Variants in MAN2A1 observed in about 807,000 individuals in gnomAD.
MAN2A1 encodes mannosidase alpha class 2A member 1.
MAN2A1 carries 76 observed loss-of-function variants against 142.6 expected under a neutral mutation model. That is an observed-to-expected ratio of 0.53 (90% CI 0.44 to 0.65). The LOEUF (loss-of-function observed/expected upper bound fraction) is 0.65. Among genes scored for constraint, MAN2A1 ranks in the 30% least tolerant of loss-of-function variants. The pLI is 0.00. For missense variants in MAN2A1, 1,311 were observed against 1,365.1 expected, an observed-to-expected ratio of 0.96 and a Z score of 0.62; for synonymous variants, 559 against 473.2, an observed-to-expected ratio of 1.18 and a Z score of -2.35.
intron 3 of MAN2A1, among the ~76,000 whole-genome samples, chr5:109,727,948 G>GT (rs1201388242): frequency 2.0e-5 from 3 of 151,806 alleles, no homozygotes; most frequent in African/African-American, 4.8e-5. Flanking sequence ...AATAGACACA[G>GT]TTTTTTTTAG....
intron 4 of MAN2A1, among the ~76,000 whole-genome samples, chr5:109,744,762 A>G (rs143526949): frequency 2.8e-4 from 42 of 152,226 alleles, no homozygotes; most frequent in Admixed American, 7.2e-4. Flanking sequence ...ACTCCTAGCA[A>G]TTTACCCAAG....
At chr5:109,741,388 T>G (rs1009843869) in intron 4 of MAN2A1, among the ~76,000 whole-genome samples, 1 of 152,252 alleles carries the variant, frequency 6.6e-6, no homozygotes, top group Non-Finnish European at 1.5e-5. Flanking sequence ...ATGTATGTTT[T>G]TGGAGGAAAA....
At chr5:109,842,053 T>G (rs1472631314) in intron 16 of MAN2A1, among the ~76,000 whole-genome samples, 1 of 152,210 alleles carries the variant, frequency 6.6e-6, no homozygotes, top group East Asian at 1.9e-4. Context: ...ACTCAGAGAA[T>G]CATTTACATG....
chr5:109,783,586 C>T (rs1753516760), intron 9 of MAN2A1, among the ~76,000 whole-genome samples: 1 of 152,066 alleles, frequency 6.6e-6, no homozygotes, highest in Admixed American at 6.6e-5. Context: ...TAGAGAAATG[C>T]ATCATTTTAC....
chr5:109,751,017 G>A (rs774191808), intron 4 of MAN2A1, among the ~76,000 whole-genome samples: 1 of 151,980 alleles, frequency 6.6e-6, no homozygotes, highest in Non-Finnish European at 1.5e-5. Flanking sequence ...GAAACATACA[G>A]TACATTGTTG....
chr5:109,776,955 G>A (rs1753309529), intron 8 of MAN2A1, among the ~76,000 whole-genome samples: 1 of 151,994 alleles, frequency 6.6e-6, no homozygotes, highest in Non-Finnish European at 1.5e-5. Flanking sequence ...AGTATCTCTA[G>A]TATTCATTTT....
At chr5:109,773,692 G>A (rs1045979012) in intron 7 of MAN2A1, among the ~76,000 whole-genome samples, 4 of 152,056 alleles carry the variant, frequency 2.6e-5, no homozygotes, top group Non-Finnish European at 5.9e-5. Flanking sequence ...TATTTGCAAA[G>A]CAATTTCAGA....
At chr5:109,731,080 GTTA>G (rs1211165292) in intron 4 of MAN2A1, among the ~76,000 whole-genome samples, 4 of 151,952 alleles carry the variant, frequency 2.6e-5, no homozygotes, top group South Asian at 4.1e-4. Flanking sequence ...AATATTTTTA[GTTA>G]TTATGGATAC....
chr5:109,773,118 T>G (rs1280447084), intron 7 of MAN2A1, among the ~76,000 whole-genome samples: 2 of 152,166 alleles, frequency 1.3e-5, no homozygotes, highest in African/African-American at 4.8e-5. Context: ...GGTCAATTGA[T>G]TTGTTATTGG....
At chr5:109,860,233 C>T (rs1755721630) in intron 20 of MAN2A1, among the ~76,000 whole-genome samples, 1 of 152,130 alleles carries the variant, frequency 6.6e-6, no homozygotes, top group Non-Finnish European at 1.5e-5. Flanking sequence ...TATCTCAGAA[C>T]AGCCATTTAC....
intron 3 of MAN2A1, among the ~76,000 whole-genome samples, chr5:109,717,144 C>G (rs1315001080): frequency 6.6e-6 from 1 of 151,760 alleles, no homozygotes; most frequent in East Asian, 1.9e-4. Context: ...TTCTTAATAT[C>G]TCGATTTCAT....
chr5:109,727,815 G>A lies in MAN2A1; in HGVS notation c.536-1527G>A, dbSNP rs533870844. Among the ~76,000 whole-genome samples the A allele has an allele frequency of 4.6e-5, 7 of 152,290 alleles. No individual in the cohort carries two copies. The South Asian group carries it at 1.5e-3, about 32-fold the overall frequency. Reference sequence around the variant, plus strand: ...GGTTGGACTTTCTGGGCTATTCCCTGGGAATCCAGAGGTGGATCCTGGCTC... The same window carrying A: ...GGTTGGACTTTCTGGGCTATTCCCTAGGAATCCAGAGGTGGATCCTGGCTC... On this transcript the variant is annotated intron_variant, in intron 3 of 21. Transcript: ENST00000261483.
At chr5:109,825,702 T>A (rs1050500316) in intron 16 of MAN2A1, among the ~76,000 whole-genome samples, 2 of 151,958 alleles carry the variant, frequency 1.3e-5, no homozygotes, top group African/African-American at 4.8e-5. Flanking sequence ...ATTTTTCCTT[T>A]CCCCCTCTCT....
intron 12 of MAN2A1, among the ~76,000 whole-genome samples, chr5:109,798,352 C>T (rs6867752): frequency 0.083 from 12,595 of 152,252 alleles, 606 homozygotes; most frequent in African/African-American, 0.14. Flanking sequence ...ACTCCTCAAA[C>T]ATCTGTCTCT....
chr5:109,860,316 C>T (rs918121507), intron 20 of MAN2A1, among the ~76,000 whole-genome samples: 1 of 152,076 alleles, frequency 6.6e-6, no homozygotes, highest in Non-Finnish European at 1.5e-5. Context: ...TTAATGAGCA[C>T]CCTAAAAAAT....
In MAN2A1 at chr5:109,819,665, A is replaced by C. The variant is rs772266300; in HGVS notation, c.2110-4A>C. On this transcript the variant is annotated splice_region_variant and splice_polypyrimidine_tract_variant and intron_variant, in intron 13 of 21. Coordinates refer to ENST00000261483, the MANE Select transcript of MAN2A1 (RefSeq NM_002372.4). Reference sequence around the variant, plus strand: ...TAATAAATTCCCTTCCCTATCTTTTAAAGATCTCTTTTCGAGCACATATAC... The same window carrying C: ...TAATAAATTCCCTTCCCTATCTTTTCAAGATCTCTTTTCGAGCACATATAC... 5.2e-6 allele frequency: 8 copies of C among 1,534,768 alleles called. No homozygotes were observed. In the Admixed American group the frequency reaches 1.7e-4, roughly 32 times the overall value.
chr5:109,825,900 C>CTTTT (rs869069525), intron 16 of MAN2A1, among the ~76,000 whole-genome samples: 15 of 92,184 alleles, frequency 1.6e-4, no homozygotes, highest in Non-Finnish European at 2.1e-4. Flanking sequence ...TCTTTCCTTC[C>CTTTT]TTTTTTTTTT....
At chr5:109,853,839 ATCTT>A (rs1045235307) in intron 19 of MAN2A1, 3 of 152,046 alleles carry the variant, frequency 2.0e-5, no homozygotes, top group Non-Finnish European at 4.4e-5. Context: ...GCTTTATTTA[ATCTT>A]TCTTTTAATA....
At chr5:109,709,986 C>T (rs536598436) in intron 1 of MAN2A1, among the ~76,000 whole-genome samples, 2 of 152,312 alleles carry the variant, frequency 1.3e-5, no homozygotes, top group Admixed American at 6.5e-5. Flanking sequence ...GGTCATTCCA[C>T]TCTTCTCTGT....
Sources: allele counts gnomAD v4.1 joint callset (sites outside exome capture counted in the v4.1 genomes callset), GRCh38; gene constraint gnomAD v4.1.1; transcripts MANE v1.5; gene names NCBI Gene and HGNC (gene_info 2026-07-23, HGNC 2026-07-21).